The following PKP3 variants were observed in gnomAD, a reference collection of about 807,000 sequenced individuals.
PKP3 encodes plakophilin-3.
Under a neutral mutation model 76.5 loss-of-function variants are expected in PKP3, and 66 were observed. The ratio of observed to expected loss-of-function variants is 0.86; its 90% CI spans 0.71 to 1.06. The LOEUF (loss-of-function observed/expected upper bound fraction) is 1.06. PKP3 is among the 50% of genes least tolerant of loss of function. The pLI, the probability that PKP3 is intolerant of heterozygous loss-of-function variation, is 0.00. For synonymous variants in PKP3, 638 were observed against 516.5 expected, an observed-to-expected ratio of 1.24 and a Z score of -3.19; for missense variants, 1,338 against 1,141.0, an observed-to-expected ratio of 1.17 and a Z score of -2.49.
chr11:398,131 A>G (rs1196838466), intron 4 of PKP3, among the ~76,000 whole-genome samples: 27 of 46,522 alleles, frequency 5.8e-4, no homozygotes, highest in Non-Finnish European at 8.7e-4. Context: ...CCCTACCCCC[A>G]CATATACCTC....
chr11:398,776 C>G (rs35465614), intron 4 of PKP3, among the ~76,000 whole-genome samples: 144 of 68,288 alleles, frequency 2.1e-3, no homozygotes, highest in African/African-American at 3.7e-3. Context: ...GCACACACCT[C>G]CGTCACCTCC....
Position 400,395 on chromosome 11 carries a change from G to C in PKP3, c.1510G>C (p.Asp504His). 1 of 1,549,038 alleles carries C rather than the reference G, an allele frequency of 6.5e-7. No homozygotes were observed. The highest frequency in any genetic ancestry group is 8.7e-7 in the Non-Finnish European group (1 of 1,146,248). Reference sequence around the variant, plus strand: ...GATGCGGGAGTGCCACGGGCTGGTGGACGCCCTGGTCACCTCTATCAACCA... The same window carrying C: ...GATGCGGGAGTGCCACGGGCTGGTGCACGCCCTGGTCACCTCTATCAACCA... ...QKMRECHGLV[D>H]ALVTSINHAL... Residue 504 changes from aspartate to histidine, a missense_variant, in exon 7 of 13, where the codon GAC (aspartate) becomes CAC (histidine). By Grantham distance (81) the Asp-to-His change is moderately conservative. Coordinates refer to ENST00000331563, the MANE Select transcript of PKP3 (RefSeq NM_007183.4).
chr11:397,897 C>T, intron 4 of PKP3: 1 of 532,214 alleles, frequency 1.9e-6, no homozygotes, highest in Non-Finnish European at 3.4e-6. Flanking sequence ...CCTCCGTACA[C>T]CCGCACACAC....
At chr11:397,775 G>C (rs1324068556) in intron 4 of PKP3, 113 bp downstream of exon 4, 1 of 1,070,442 alleles carries the variant, frequency 9.3e-7, no homozygotes, top group South Asian at 1.5e-5. Flanking sequence ...AAGCTGACTG[G>C]GTAGACCCCA....
In PKP3 at chr11:400,607, C is replaced by T; in HGVS notation, c.1639C>T (p.Leu547=). The T allele has an allele frequency of 6.9e-7, 1 of 1,448,608 alleles. No homozygotes were observed. The highest frequency in any genetic ancestry group is 1.4e-5 in the South Asian group (1 of 73,318). 89.7% of individuals were successfully genotyped at this position (1,448,608 alleles called of 1,614,324 possible). A position where few individuals can be genotyped will look rare whatever the true frequency, so the allele number is the denominator to read the frequency against. The part of the protein sequence containing the change: ...RLYDEMPPSA[L]QRLEGRGRRD... The stretch of plus-strand genomic sequence containing the variant: ...CTACGACGAGATGCCGCCGTCCGCG[C>T]TGCAGCGGCTGGAGGGTCGCGGCCG... The change falls in exon 8 of 13, where the codon CTG becomes TTG. Residue 547 remains leucine (L), a synonymous_variant. Coordinates refer to ENST00000331563, the MANE Select transcript of PKP3 (RefSeq NM_007183.4).
At position 397,560 on chromosome 11, in the gene PKP3, C is replaced by G; in HGVS notation, c.966C>G (p.Pro322=). The G allele has an allele frequency of 1.9e-6, 3 of 1,612,232 alleles. No individual in the cohort carries two copies. The highest frequency in any genetic ancestry group is 1.7e-6 in the Non-Finnish European group (2 of 1,179,596). Residue 322 remains proline (P), a synonymous_variant, in exon 4 of 13, where the codon CCC becomes CCG. Coordinates refer to ENST00000331563, the MANE Select transcript of PKP3 (RefSeq NM_007183.4). Reference sequence around the variant, plus strand: ...GCAGTTTTGATGACATTGACCTGCCCTCAGCAGTCAAGTACCTCATGGCTT... The same window carrying G: ...GCAGTTTTGATGACATTGACCTGCCGTCAGCAGTCAAGTACCTCATGGCTT... ...LSSGFDDIDL[P]SAVKYLMASD...
In PKP3 at chr11:397,232, G is replaced by A. The variant is rs771665192; in HGVS notation, c.731G>A (p.Arg244His). 23 of 1,599,454 alleles carry A rather than the reference G, an allele frequency of 1.4e-5. 1 individual carries two copies. The highest frequency in any genetic ancestry group is 5.5e-5 in the South Asian group (5 of 90,792). Residue 244 changes from arginine (R) to histidine (H), a missense_variant, in exon 3 of 13, where the codon CGT becomes CAT. Physicochemically the swap from Arg to His is conservative, Grantham distance 29. Coordinates refer to ENST00000331563, the MANE Select transcript of PKP3 (RefSeq NM_007183.4). ...ATEVSPSRTI[R>H]APAVRTLQRF... The stretch of plus-strand genomic sequence containing the variant: ...GAGGTTTCCCCGAGCCGGACCATCC[G>A]TGCCCCTGCCGTGCGGACCCTGCAG...
Position 400,687 on chromosome 11 carries a change from G to C in PKP3, c.1719G>C (p.Gln573His). 1 of 1,286,008 alleles carries C rather than the reference G, an allele frequency of 7.8e-7. No individual in the cohort carries two copies. The highest frequency in any genetic ancestry group is 3.0e-4 in the Middle Eastern group (1 of 3,312). 79.7% of individuals were successfully genotyped at this position (1,286,008 alleles called of 1,614,324 possible). The change falls in exon 8 of 13, where the codon CAG (glutamine) becomes CAC (histidine). Residue 573 changes from glutamine to histidine, a missense_variant. Coordinates refer to ENST00000331563, the MANE Select transcript of PKP3 (RefSeq NM_007183.4). The stretch of plus-strand genomic sequence containing the variant: ...AGGTCGTGGGCTGCTTCACGCCGCA[G>C]AGCCGGCGGCTGCGCGAGGTGGGCA... ...PGEVVGCFTP[Q>H]SRRLRELPLA...
rs372268685 is a variant in PKP3 at position 403,779 on chromosome 11, G to C, written c.2077+8G>C. On this transcript the variant is annotated splice_region_variant and intron_variant, in intron 10 of 12. Transcript: ENST00000331563. ...GGAACAAGGACGAGATGTGTGAGTC[G>C]GGCAGCCCCTCGTCCCTGCCCTGCT... 323 of 1,604,506 alleles carry C rather than the reference G, an allele frequency of 2.0e-4. 1 individual carries two copies. Among genetic ancestry groups the C allele is most frequent in the South Asian group, 2.0e-3 (182 of 91,068 alleles).
rs544967063 is a variant in PKP3, at chr11:396,325, C to T, written c.233-283C>T. The T allele has an allele frequency of 1.5e-4, 64 of 414,120 alleles. No homozygotes were observed. In the Middle Eastern group the frequency reaches 1.9e-3, roughly 12 times the overall value. 25.7% of individuals were successfully genotyped at this position (414,120 alleles called of 1,614,324 possible). A position where few individuals can be genotyped will look rare whatever the true frequency, so the allele number is the denominator to read the frequency against. On this transcript the variant is annotated intron_variant, in intron 1 of 12. Transcript: ENST00000331563. ...ATGTCAGAGGCCCTGGCACATTCCT[C>T]CTGGCGACCAGGAGGTCAGTGGGTG...
upstream of PKP3, chr11:394,009 G>A (rs1239991774): frequency 4.9e-6 from 2 of 409,478 alleles, no homozygotes; most frequent in Admixed American, 4.7e-5. Flanking sequence ...CCCTGTTGTG[G>A]GATGGGAGAA....
In PKP3 at chr11:397,391, T is replaced by G. The variant is rs1445845643; in HGVS notation, c.890T>G (p.Val297Gly). The G allele has an allele frequency of 6.2e-7, 1 of 1,611,150 alleles. No homozygotes were observed. Among genetic ancestry groups the G allele is most frequent in the African/African-American group, 1.3e-5 (1 of 74,832 alleles). ...GCTGACTCGGGCCACCTGCCGGACG[T>G]GCATGGGTTCAACAGCTACGGTAGC... ...SLADSGHLPD[V>G]HGFNSYGSHR... Residue 297 changes from valine to glycine, a missense_variant, in exon 3 of 13, where the codon GTG becomes GGG. Transcript: ENST00000331563.
At position 400,085 on chromosome 11, in the gene PKP3, C is replaced by T. The variant is rs773998200; in HGVS notation, c.1392C>T (p.Leu464=). The T allele has an allele frequency of 6.3e-6, 10 of 1,597,898 alleles. No individual in the cohort carries two copies. In the South Asian group the frequency reaches 7.9e-5, roughly 13 times the overall value. Reference sequence around the variant, plus strand: ...TGTCGGGGGCTGGGGGTCCCCCCCTCATCCAGCAGAACGCCTCGGAGGCAG... The same window carrying T: ...TGTCGGGGGCTGGGGGTCCCCCCCTTATCCAGCAGAACGCCTCGGAGGCAG... ...SPLSGAGGPP[L]IQQNASEAEI... The change falls in exon 6 of 13, where the codon CTC becomes CTT. Residue 464 remains leucine, a synonymous_variant. Coordinates refer to ENST00000331563, the MANE Select transcript of PKP3 (RefSeq NM_007183.4).
intron 9 of PKP3, 115 bp from the exon 10 acceptor site, chr11:403,503 A>C: frequency 9.3e-7 from 1 of 1,078,986 alleles, no homozygotes; most frequent in Non-Finnish European, 1.3e-6. Context: ...GCAAAGGCAG[A>C]AGCAGAGGCC....
Position 404,399 on chromosome 11 carries a change from G to C in PKP3, c.2358+76G>C. 1.4e-6 allele frequency: 2 copies of C among 1,472,602 alleles called. No individual in the cohort carries two copies. The highest frequency in any genetic ancestry group is 3.3e-5 in the Admixed American group (2 of 59,720). The allele number at this position is 1,472,602 out of a possible 1,614,324, so 91.2% of individuals were successfully genotyped here. A position where few individuals can be genotyped will look rare whatever the true frequency, so the allele number is the denominator to read the frequency against. On this transcript the variant is annotated intron_variant, in intron 12 of 12. Coordinates refer to ENST00000331563, the MANE Select transcript of PKP3 (RefSeq NM_007183.4). The surrounding 1 kb of genome is among the most constrained non-coding windows in gnomAD (Gnocchi z 4.2). ...ACGCCGGGGGAGGGTCAGTGAAGAGGCCCATGGGAGGATGGAGACCAGGGA... is the reference window on the plus strand; with the variant it reads ...ACGCCGGGGGAGGGTCAGTGAAGAGCCCCATGGGAGGATGGAGACCAGGGA...
At chr11:396,555 GGCCAGT>G in intron 1 of PKP3, 47 bp from the exon 2 acceptor site, 1 of 1,269,886 alleles carries the variant, frequency 7.9e-7, no homozygotes, top group Non-Finnish European at 1.1e-6. Flanking sequence ...GGAGGCAGGA[GGCCAGT>G]GCTTTGCTGT....
Position 400,327 on chromosome 11 carries a change from T to A in PKP3, c.1449-7T>A, listed in dbSNP as rs1275245849. 6.5e-7 allele frequency: 1 copy of A among 1,545,286 alleles called. No individual in the cohort carries two copies. The highest frequency in any genetic ancestry group is 8.7e-7 in the Non-Finnish European group (1 of 1,143,376). ...CCTGGGGGGCTCTGATCCACCTCGGTCCCCAGGAACCTCAGCTCAGCCTCT... is the reference window on the plus strand; with the variant it reads ...CCTGGGGGGCTCTGATCCACCTCGGACCCCAGGAACCTCAGCTCAGCCTCT... On this transcript the variant is annotated splice_polypyrimidine_tract_variant and splice_region_variant and intron_variant, in intron 6 of 12. Transcript: ENST00000331563.
Position 400,714 on chromosome 11 carries a change from C to A in PKP3, c.1737+9C>A. On this transcript the variant is annotated intron_variant, in intron 8 of 12. Transcript: ENST00000331563. The stretch of plus-strand genomic sequence containing the variant: ...GCCGGCGGCTGCGCGAGGTGGGCAC[C>A]AGCCTGAGCGGGGCGTGGGGTGGGT... The A allele has an allele frequency of 8.1e-7, 1 of 1,238,022 alleles. No homozygotes were observed. Among genetic ancestry groups the A allele is most frequent in the Non-Finnish European group, 1.0e-6 (1 of 985,902 alleles). The allele number at this position is 1,238,022 out of a possible 1,614,324, so 76.7% of individuals were successfully genotyped here. A position where few individuals can be genotyped will look rare whatever the true frequency, so the allele number is the denominator to read the frequency against.
At chr11:403,896 C>T (rs762671694) in intron 10 of PKP3, 47 bp from the exon 11 acceptor site, 17 of 1,564,974 alleles carry the variant, frequency 1.1e-5, no homozygotes, top group South Asian at 4.7e-5. Context: ...CCCAGGTGCC[C>T]AGGTGGCCAG....
Sources: allele counts gnomAD v4.1 joint callset (sites outside exome capture counted in the v4.1 genomes callset), GRCh38; gene constraint gnomAD v4.1.1; non-coding constraint Gnocchi (gnomAD v3.1); transcripts MANE v1.5; gene names NCBI Gene and HGNC (gene_info 2026-07-23, HGNC 2026-07-21).